Variants in HPSE2 observed in about 807,000 individuals in gnomAD.
The protein encoded by HPSE2 is inactive heparanase-2.
In HPSE2, 38 loss-of-function variants were observed where a neutral mutation model predicts 60.5. The ratio of observed to expected loss-of-function variants is 0.63; its 90% CI spans 0.48 to 0.82. The LOEUF (loss-of-function observed/expected upper bound fraction) is 0.82, where lower values mean the gene tolerates loss of function less well. Among genes scored for constraint, HPSE2 ranks in the 40% least tolerant of loss-of-function variants. The pLI is 0.00. For missense variants in HPSE2, 713 were observed against 740.4 expected, an observed-to-expected ratio of 0.96 and a Z score of 0.43; for synonymous variants, 295 against 293.2, an observed-to-expected ratio of 1.01 and a Z score of -0.06.
intron 3 of HPSE2, among the ~76,000 whole-genome samples, chr10:98,918,654 G>C (rs1954192864): frequency 7.8e-6 from 1 of 129,018 alleles, no homozygotes; most frequent in African/African-American, 3.0e-5. Flanking sequence ...ACAGGATGGG[G>C]AACATCACAC....
chr10:99,034,341 G>T (rs1380237031), intron 3 of HPSE2, among the ~76,000 whole-genome samples: 1 of 152,120 alleles, frequency 6.6e-6, no homozygotes, highest in Non-Finnish European at 1.5e-5. Flanking sequence ...GCTGCCATGG[G>T]TTGGAGTGAA....
intron 3 of HPSE2, among the ~76,000 whole-genome samples, chr10:98,895,212 A>T (rs533072125): frequency 8.5e-5 from 13 of 152,304 alleles, no homozygotes; most frequent in African/African-American, 2.9e-4. Context: ...ACACACTTCT[A>T]TACAGCTGAT....
chr10:98,884,161 C>G (rs547000789), intron 3 of HPSE2, among the ~76,000 whole-genome samples: 1 of 152,244 alleles, frequency 6.6e-6, no homozygotes, highest in South Asian at 2.1e-4. Flanking sequence ...GGCCTTACCT[C>G]TCTTTAATTC....
chr10:98,868,599 T>TGC (rs1952653238), intron 3 of HPSE2, among the ~76,000 whole-genome samples: 1 of 152,128 alleles, frequency 6.6e-6, no homozygotes, highest in Non-Finnish European at 1.5e-5. Context: ...TGTACCAAAA[T>TGC]ATCTCATGTA....
chr10:98,681,463 A>G (rs999211663), intron 6 of HPSE2, among the ~76,000 whole-genome samples: 3 of 152,188 alleles, frequency 2.0e-5, no homozygotes, highest in Admixed American at 6.6e-5. Flanking sequence ...GCATGGGTAA[A>G]AGGTCTATTC....
intron 9 of HPSE2, among the ~76,000 whole-genome samples, chr10:98,515,516 T>C (rs972382080): frequency 4.6e-5 from 7 of 152,198 alleles, no homozygotes; most frequent in South Asian, 2.1e-4. Flanking sequence ...AAAATGGTCA[T>C]TACAGTGTGC....
chr10:98,563,452 G>A lies in HPSE2; in HGVS notation c.1320+51452C>T, dbSNP rs116312888. Among the ~76,000 whole-genome samples, 1,323 of 152,190 alleles carry A rather than the reference G, an allele frequency of 8.7e-3. 17 individuals are homozygous for A. Among genetic ancestry groups the A allele is most frequent in the African/African-American group, 0.031 (1,267 of 41,506 alleles). ...GGTAGTGAGTGCTCATAATTATGAG[G>A]TTTCTTCTTGGGTAATGAAAATGTA... is the stretch of plus-strand genomic sequence containing the variant. On this transcript the variant is annotated intron_variant, in intron 9 of 11. Transcript: ENST00000370552.
the HPSE2 span, among the ~76,000 whole-genome samples, chr10:99,262,422 T>C: frequency 6.6e-6 from 1 of 152,098 alleles, no homozygotes; most frequent in South Asian, 2.1e-4. Context: ...CTGCTGCCCT[T>C]TTCCCCAGTT....
At chr10:98,791,655 T>G (rs1037199673) in intron 3 of HPSE2, among the ~76,000 whole-genome samples, 3 of 152,240 alleles carry the variant, frequency 2.0e-5, no homozygotes, top group Non-Finnish European at 4.4e-5. Flanking sequence ...TCTACTTAAC[T>G]GAACAACTCC....
At chr10:98,885,782 G>A (rs1323914136) in intron 3 of HPSE2, among the ~76,000 whole-genome samples, 1 of 152,046 alleles carries the variant, frequency 6.6e-6, no homozygotes, top group Non-Finnish European at 1.5e-5. Context: ...TATATGCACT[G>A]TGAAACCAAA....
At chr10:98,715,035 T>G (rs1279947713) in intron 5 of HPSE2, among the ~76,000 whole-genome samples, 1 of 151,946 alleles carries the variant, frequency 6.6e-6, no homozygotes, top group Non-Finnish European at 1.5e-5. Flanking sequence ...AGGTAATTTG[T>G]CTTTTCATTG....
chr10:98,976,735 C>T (rs1439119998), intron 3 of HPSE2, among the ~76,000 whole-genome samples: 2 of 120,266 alleles, frequency 1.7e-5, no homozygotes, highest in Non-Finnish European at 3.3e-5. Context: ...CCGTGGTAAG[C>T]GAAAAAAAAA....
chr10:99,151,126 T>TG (rs1339998921), intron 2 of HPSE2, among the ~76,000 whole-genome samples: 53 of 151,076 alleles, frequency 3.5e-4, no homozygotes, highest in African/African-American at 1.2e-3. Flanking sequence ...ACAATTGTCA[T>TG]GGAAAAAAAG....
intron 3 of HPSE2, among the ~76,000 whole-genome samples, chr10:98,977,072 G>A (rs1956102451): frequency 6.6e-6 from 1 of 152,292 alleles, no homozygotes; most frequent in Non-Finnish European, 1.5e-5. Flanking sequence ...CTGACACCTT[G>A]ATTTCAGACC....
At chr10:99,201,285 T>C (rs183970140) in intron 2 of HPSE2, among the ~76,000 whole-genome samples, 4 of 152,206 alleles carry the variant, frequency 2.6e-5, no homozygotes, top group Non-Finnish European at 4.4e-5. Context: ...ACTATCCCTT[T>C]CTTTTCCACT....
chr10:99,097,868 G>A (rs140522409), intron 3 of HPSE2, among the ~76,000 whole-genome samples: 2,388 of 152,300 alleles, frequency 0.016, 61 homozygotes, highest in African/African-American at 0.054. Flanking sequence ...AACCAGGACT[G>A]AATCCCAGAT....
At position 98,540,092 on chromosome 10, in the gene HPSE2, C is replaced by T. The variant is rs1200546703; in HGVS notation, c.1321-49896G>A. On this transcript the variant is annotated intron_variant, in intron 9 of 11. Coordinates refer to ENST00000370552, the MANE Select transcript of HPSE2 (RefSeq NM_021828.5). ...ATAAAGTTGGTATGAGTCAATGGTT[C>T]TGAATAGGGCTAGAAATAGTCTCTT... 3.9e-5 allele frequency among the ~76,000 whole-genome samples: 6 copies of T among 152,196 alleles called. No individual in the cohort carries two copies. In the South Asian group the frequency reaches 1.2e-3, roughly 32 times the overall value.
Position 98,457,283 on chromosome 10 carries a change from A to AAAGATGTG in HPSE2, c.*2283_*2290dup, listed in dbSNP as rs1480966271. On this transcript the variant is annotated 3_prime_UTR_variant, in exon 12 of 12. Transcript: ENST00000370552. ...GCTGTTCTGAATGAGCAGAACCTAC[A>AAAGATGTG]AAGATGTGAAGGAGGTGTCTGGACC... 6.6e-6 allele frequency: 1 copy of AAAGATGTG among 152,248 alleles called. No homozygotes were observed. Among genetic ancestry groups the AAAGATGTG allele is most frequent in the African/African-American group, 2.4e-5 (1 of 41,466 alleles). 9.4% of individuals were successfully genotyped at this position (152,248 alleles called of 1,614,324 possible). A position where few individuals can be genotyped will look rare whatever the true frequency, so the allele number is the denominator to read the frequency against.
At chr10:99,131,081 C>T (rs2135735676) in intron 3 of HPSE2, among the ~76,000 whole-genome samples, 1 of 152,220 alleles carries the variant, frequency 6.6e-6, no homozygotes, top group East Asian at 1.9e-4. Flanking sequence ...GAATTAAAAA[C>T]AAAAATCATA....
Sources: gnomAD v4.1 joint callset for allele counts (sites outside exome capture counted in the v4.1 genomes callset) on GRCh38, gnomAD v4.1.1 for gene constraint, MANE v1.5 for transcripts, NCBI Gene and HGNC (gene_info 2026-07-23, HGNC 2026-07-21) for gene names.